The following PKHD1L1 variants were observed in gnomAD, a reference collection of about 807,000 sequenced individuals.
PKHD1L1 encodes PKHD1 like 1.
In PKHD1L1, 434 loss-of-function variants were observed where a neutral mutation model predicts 462.9. The ratio of observed to expected loss-of-function variants is 0.94; its 90% CI spans 0.87 to 1.02. The LOEUF is 1.02. Among genes scored for constraint, PKHD1L1 ranks in the 50% least tolerant of loss-of-function variants. PKHD1L1 has a pLI of 0.00. For missense variants in PKHD1L1, 5,202 were observed against 5,096.1 expected (o/e 1.02, Z -0.63); for synonymous variants, 1,781 against 1,750.0 (o/e 1.02, Z -0.44).
intron 63 of PKHD1L1, among the ~76,000 whole-genome samples, chr8:109,495,854 T>C (rs1819057582): frequency 6.6e-6 from 1 of 152,146 alleles, no homozygotes; most frequent in Non-Finnish European, 1.5e-5. Flanking sequence ...CTCCAATTCA[T>C]GCCTGTGTGG....
chr8:109,468,938 C>T (rs1177731252), intron 50 of PKHD1L1, among the ~76,000 whole-genome samples: 1 of 152,068 alleles, frequency 6.6e-6, no homozygotes, highest in Non-Finnish European at 1.5e-5. Context: ...AGACTTCTGC[C>T]GTCTTAAGAC....
Position 109,448,147 on chromosome 8 carries a change from A to C in PKHD1L1, c.5781A>C (p.Pro1927=). ...TGTGCTTTTTTTTTTTTTAAGGTCC[A>C]CCAGGAACTGAAATTGAGATCACTG... The part of the protein sequence containing the change: ...FLRGIIPSRG[P]PGTEIEITGS... The change falls in exon 39 of 78, where the codon CCA becomes CCC. Residue 1927 remains proline, a synonymous_variant. Coordinates refer to ENST00000378402, the MANE Select transcript of PKHD1L1 (RefSeq NM_177531.6). 5.6e-6 allele frequency: 9 copies of C among 1,598,508 alleles called. No homozygotes were observed. The highest frequency in any genetic ancestry group is 2.3e-5 in the East Asian group (1 of 44,370).
chr8:109,371,772 A>C, intron 2 of PKHD1L1, among the ~76,000 whole-genome samples: 1 of 151,838 alleles, frequency 6.6e-6, no homozygotes. Context: ...TCCTTTCCCC[A>C]TTGCTTGTTT....
chr8:109,459,820 T>A lies in PKHD1L1; in HGVS notation c.7230T>A (p.Pro2410=). The change falls in exon 47 of 78, where the codon CCT becomes CCA. Residue 2410 remains proline (P), a synonymous_variant. Coordinates refer to ENST00000378402, the MANE Select transcript of PKHD1L1 (RefSeq NM_177531.6). The part of the protein sequence containing the change: ...VEWNNKIPAC[P]DGFDTGEFAT... ...GGAATAACAAAATTCCTGCATGTCC[T>A]GATGGATTTGACACAGGTAATTTTA... is the stretch of plus-strand genomic sequence containing the variant. 1 of 1,610,398 alleles carries A rather than the reference T, an allele frequency of 6.2e-7. No individual in the cohort carries two copies. Among genetic ancestry groups the A allele is most frequent in the Non-Finnish European group, 8.5e-7 (1 of 1,177,982 alleles).
chr8:109,403,525 A>G (rs1416233074), intron 14 of PKHD1L1, among the ~76,000 whole-genome samples: 1 of 152,174 alleles, frequency 6.6e-6, no homozygotes, highest in Non-Finnish European at 1.5e-5. Context: ...GAAAGTGCCC[A>G]ATTAATAGTT....
chr8:109,438,257 C>T, intron 30 of PKHD1L1, 67 bp from the exon 31 acceptor site: 1 of 1,153,984 alleles, frequency 8.7e-7, no homozygotes. Flanking sequence ...TAATCTATTT[C>T]TTTTCATCCC....
intron 37 of PKHD1L1, 67 bp downstream of exon 37, chr8:109,443,969 C>G (rs903552961): frequency 1.8e-5 from 24 of 1,340,360 alleles, no homozygotes; most frequent in Non-Finnish European, 2.5e-5. Context: ...TTGACGATAA[C>G]CTTGTTATTT....
rs1233189718 is a variant in PKHD1L1, at chr8:109,406,388, C to G, written c.1723C>G (p.Leu575Val). The G allele has an allele frequency of 6.4e-7, 1 of 1,569,996 alleles. No individual in the cohort carries two copies. The highest frequency in any genetic ancestry group is 1.4e-5 in the African/African-American group (1 of 74,000). The stretch of plus-strand genomic sequence containing the variant: ...CATACTGCAATCAGCCTTGAATGAC[C>G]TCTGGTCTATAAAACCGGACACAGT... ...EFILQSALND[L>V]WSIKPDTVQV... is the part of the protein sequence containing the mutation. Residue 575 changes from leucine (L) to valine (V), a missense_variant, in exon 17 of 78, where the codon CTC becomes GTC. Leu to Val is a conservative substitution (Grantham distance 32). Transcript: ENST00000378402.
At chr8:109,413,958 A>G (rs1046517921) in intron 21 of PKHD1L1, among the ~76,000 whole-genome samples, 9 of 152,140 alleles carry the variant, frequency 5.9e-5, no homozygotes, top group African/African-American at 2.2e-4. Context: ...TTTTGAAATA[A>G]TGCTTGCTGT....
Position 109,536,409 on chromosome 8 carries a change from C to T in PKHD1L1, c.*6319C>T, listed in dbSNP as rs1485188171. On this transcript the variant is annotated 3_prime_UTR_variant, in exon 78 of 78. Transcript: ENST00000378402. ...ATTGTTTCATGTTGTTTTATTTCTACTTTCTCAATCCATGTACAAGATAGA... is the reference window on the plus strand; with the variant it reads ...ATTGTTTCATGTTGTTTTATTTCTATTTTCTCAATCCATGTACAAGATAGA... Among the ~76,000 whole-genome samples the T allele has an allele frequency of 1.3e-5, 2 of 152,296 alleles. No homozygotes were observed. The highest frequency in any genetic ancestry group is 2.4e-5 in the African/African-American group (1 of 41,576).
rs1322885036 is a variant in PKHD1L1, at chr8:109,464,281, C to G, written c.7449C>G (p.Asp2483Glu). 6.2e-7 allele frequency: 1 copy of G among 1,612,724 alleles called. No homozygotes were observed. The highest frequency in any genetic ancestry group is 1.7e-5 in the Admixed American group (1 of 59,898). ...CAATACATTGGCACCTGCTTGGAGA[C>G]TTACAGTTTAAATCTTATGTAAGAG... ...RYPIHWHLLG[D>E]LQFKSYVRGC... The change falls in exon 49 of 78, where the codon GAC becomes GAG. Residue 2483 changes from aspartate to glutamate, a missense_variant. Asp to Glu is a conservative substitution (Grantham distance 45). Coordinates refer to ENST00000378402, the MANE Select transcript of PKHD1L1 (RefSeq NM_177531.6).
chr8:109,459,043 T>G (rs1232418133), intron 46 of PKHD1L1, among the ~76,000 whole-genome samples: 3 of 152,138 alleles, frequency 2.0e-5, no homozygotes, highest in African/African-American at 4.8e-5. Context: ...ACTCAATCAT[T>G]TCTTTTCCTT....
chr8:109,503,420 C>G (rs1043806655), intron 67 of PKHD1L1, among the ~76,000 whole-genome samples: 1 of 152,198 alleles, frequency 6.6e-6, no homozygotes, highest in Middle Eastern at 3.4e-3. Flanking sequence ...CTGGGCAGGG[C>G]ACAAACAGCA....
intron 16 of PKHD1L1, among the ~76,000 whole-genome samples, chr8:109,405,736 T>C (rs1376322270): frequency 6.6e-6 from 1 of 152,056 alleles, no homozygotes; most frequent in African/African-American, 2.4e-5. Flanking sequence ...AAATAGCTAA[T>C]GCATACTGGG....
chr8:109,513,838 A>G (rs577311946), intron 71 of PKHD1L1, among the ~76,000 whole-genome samples: 1 of 152,222 alleles, frequency 6.6e-6, no homozygotes, highest in East Asian at 1.9e-4. Context: ...CTCCACTGCT[A>G]CTATCCAGTT....
intron 2 of PKHD1L1, among the ~76,000 whole-genome samples, chr8:109,365,238 A>AT (rs779289361): frequency 2.7e-4 from 41 of 152,222 alleles, no homozygotes; most frequent in Non-Finnish European, 5.1e-4. Context: ...TCTTTCAGCC[A>AT]TAAGACCTTT....
At chr8:109,459,532 C>T in intron 46 of PKHD1L1, 63 bp from the exon 47 acceptor site, 2 of 1,298,444 alleles carry the variant, frequency 1.5e-6, no homozygotes, top group South Asian at 3.6e-5. Flanking sequence ...AACAAATATA[C>T]CAAAACAATA....
intron 57 of PKHD1L1, among the ~76,000 whole-genome samples, chr8:109,483,404 T>C: frequency 6.7e-6 from 1 of 149,520 alleles, no homozygotes; most frequent in South Asian, 2.1e-4. Context: ...TTATGACATA[T>C]ATGACTATAG....
chr8:109,408,613 T>C (rs1813684517), intron 18 of PKHD1L1, among the ~76,000 whole-genome samples: 1 of 152,176 alleles, frequency 6.6e-6, no homozygotes, highest in African/African-American at 2.4e-5. Context: ...ATCCTATTAT[T>C]TTATTGATGT....
Sources: allele counts gnomAD v4.1 joint callset (sites outside exome capture counted in the v4.1 genomes callset), GRCh38; gene constraint gnomAD v4.1.1; transcripts MANE v1.5; gene names NCBI Gene and HGNC (gene_info 2026-07-23, HGNC 2026-07-21).